MAP3K7: variants seen among roughly 807,000 people sequenced by gnomAD.
MAP3K7 encodes TGF-beta activated kinase 1.
A neutral mutation model predicts 84.8 loss-of-function variants in MAP3K7; 21 were observed. The observed-to-expected ratio is 0.25, with a 90% confidence interval of 0.18 to 0.36. MAP3K7 has a LOEUF of 0.36. Among genes scored for constraint, MAP3K7 ranks in the 10% least tolerant of loss-of-function variants. The pLI is 1.00. For synonymous variants in MAP3K7, 241 were observed against 247.7 expected (o/e 0.97, Z 0.25); for missense variants, 503 against 747.7 (o/e 0.67, Z 3.82).
rs146036630 is a variant in MAP3K7 at position 90,519,683 on chromosome 6, C to T, written c.1463-364G>A. 1.2e-3 allele frequency among the ~76,000 whole-genome samples: 179 copies of T among 152,016 alleles called. 1 individual carries two copies. Among genetic ancestry groups the T allele is most frequent in the African/African-American group, 3.9e-3 (162 of 41,516 alleles). ...TCTAATCAAACTCCCCATCTCTTTTCTTTATCATGCTAAGTTTATTTTATA... is the reference window on the plus strand; with the variant it reads ...TCTAATCAAACTCCCCATCTCTTTTTTTTATCATGCTAAGTTTATTTTATA... On this transcript the variant is annotated intron_variant, in intron 14 of 16. Transcript: ENST00000369329.
intron 1 of MAP3K7, among the ~76,000 whole-genome samples, chr6:90,574,699 T>G (rs930897377): frequency 6.6e-5 from 10 of 152,222 alleles, no homozygotes; most frequent in African/African-American, 2.2e-4. Flanking sequence ...GTGAATCACA[T>G]GTTTGTCATA....
In MAP3K7 at chr6:90,517,964, G is replaced by A. The variant is rs1775022618; in HGVS notation, c.1640+483C>T. Among the ~76,000 whole-genome samples, 4 of 151,714 alleles carry A rather than the reference G, an allele frequency of 2.6e-5. 1 individual carries two copies. The South Asian group carries it at 8.3e-4, about 31-fold the overall frequency. On this transcript the variant is annotated intron_variant, in intron 16 of 16. Transcript: ENST00000369329. The stretch of plus-strand genomic sequence containing the variant: ...TACATATTTAAGAACTGTGAATGCA[G>A]TAGTAAGGAAATTAGGCTGTGTTTC...
intron 13 of MAP3K7, among the ~76,000 whole-genome samples, chr6:90,529,139 T>C (rs559997092): frequency 4.4e-4 from 67 of 152,330 alleles, no homozygotes; most frequent in South Asian, 1.9e-3. Context: ...ACTGAATCAA[T>C]TCTGAAATTC....
Position 90,515,703 on chromosome 6 carries a change from T to C in MAP3K7, c.*798A>G, listed in dbSNP as rs1046110585. ...GATCATTTAAGCTCAATCATGTTCT[T>C]TTGCCTTTTAATTTCATTTAAGAGA... On this transcript the variant is annotated 3_prime_UTR_variant, in exon 17 of 17. Coordinates refer to ENST00000369329, the MANE Select transcript of MAP3K7 (RefSeq NM_145331.3). 7 of 152,040 alleles carry C rather than the reference T, an allele frequency of 4.6e-5. No homozygotes were observed. Among genetic ancestry groups the C allele is most frequent in the Admixed American group, 3.9e-4 (6 of 15,232 alleles). The allele number at this position is 152,040 out of a possible 1,614,324, so 9.4% of individuals were successfully genotyped here. A position where few individuals can be genotyped will look rare whatever the true frequency, so the allele number is the denominator to read the frequency against.
In MAP3K7 at chr6:90,544,586, G is replaced by A. The variant is rs1356344595; in HGVS notation, c.1257C>T (p.Gly419=). Residue 419 remains glycine (G), a synonymous_variant, in exon 12 of 17, where the codon GGC becomes GGT. Coordinates refer to ENST00000369329, the MANE Select transcript of MAP3K7 (RefSeq NM_145331.3). ...KRGHRKTASF[G]NILDVPEIVI... is the part of the protein sequence containing the mutation. Reference sequence around the variant, plus strand: ...CGATCTCAGGGACATCCAGAATGTTGCCAAATGAAGCAGTTTTACGGTGGC... The same window carrying A: ...CGATCTCAGGGACATCCAGAATGTTACCAAATGAAGCAGTTTTACGGTGGC... 6.2e-7 allele frequency: 1 copy of A among 1,612,482 alleles called. No homozygotes were observed. The highest frequency in any genetic ancestry group is 8.5e-7 in the Non-Finnish European group (1 of 1,178,902).
Position 90,547,772 on chromosome 6 carries a change from A to G in MAP3K7, c.1080+275T>C, listed in dbSNP as rs3799902. ...TGGGCAGCGCAGCCAAAATATACCC[A>G]TTTTACATTTTTAACCATCAACCAT... On this transcript the variant is annotated intron_variant, in intron 10 of 16. Transcript: ENST00000369329. 2.6e-4 allele frequency among the ~76,000 whole-genome samples: 40 copies of G among 152,268 alleles called. No individual in the cohort carries two copies. The East Asian group carries it at 7.3e-3, about 28-fold the overall frequency.
At chr6:90,566,518 C>G (rs1187579809) in intron 3 of MAP3K7, among the ~76,000 whole-genome samples, 2 of 152,154 alleles carry the variant, frequency 1.3e-5, no homozygotes, top group Non-Finnish European at 2.9e-5. Context: ...ATGTGAAGGA[C>G]CTCTTCAAGG....
intron 14 of MAP3K7, among the ~76,000 whole-genome samples, chr6:90,519,852 G>C (rs1015626623): frequency 6.6e-6 from 1 of 151,902 alleles, no homozygotes; most frequent in Non-Finnish European, 1.5e-5. Flanking sequence ...TTCCCAGTAA[G>C]AATCACTGCA....
At chr6:90,543,344 A>T (rs1014431712) in intron 12 of MAP3K7, among the ~76,000 whole-genome samples, 1 of 152,230 alleles carries the variant, frequency 6.6e-6, no homozygotes, top group African/African-American at 2.4e-5. Context: ...AGTTTTATAC[A>T]GACAAAATGG....
chr6:90,563,956 T>A (rs1005010817), intron 3 of MAP3K7, among the ~76,000 whole-genome samples: 5 of 152,142 alleles, frequency 3.3e-5, no homozygotes, highest in Non-Finnish European at 5.9e-5. Context: ...GAATTTCATA[T>A]CCAGCCAAAC....
At position 90,542,137 on chromosome 6, in the gene MAP3K7, AG is replaced by A; in HGVS notation, c.1291+2414del. 4.6e-6 allele frequency: 3 copies of A among 645,756 alleles called. No individual in the cohort carries two copies. The African/African-American group carries it at 5.9e-5, about 13-fold the overall frequency. The allele number at this position is 645,756 out of a possible 1,614,324, so 40.0% of individuals were successfully genotyped here. ...ACAAAACAATTTCTAGAAAGTATTA[AG>A]AAATTTTGGAAATTAAGTATCACCC... is the stretch of plus-strand genomic sequence containing the variant. On this transcript the variant is annotated intron_variant, in intron 12 of 16. Transcript: ENST00000369329.
intron 1 of MAP3K7, among the ~76,000 whole-genome samples, chr6:90,575,460 AG>A (rs775506072): frequency 1.3e-5 from 2 of 152,206 alleles, no homozygotes; most frequent in Non-Finnish European, 2.9e-5. Flanking sequence ...AAACACCAGA[AG>A]CTTCAAAGGA....
In MAP3K7 at chr6:90,567,661, C is replaced by T. The variant is rs566990732; in HGVS notation, c.297+897G>A. Among the ~76,000 whole-genome samples the T allele has an allele frequency of 2.8e-4, 43 of 152,318 alleles. No homozygotes were observed. The South Asian group carries it at 8.3e-3, about 29-fold the overall frequency. ...CATTGTGGAAGACAGTGTGGCAATTCCTCAAGGATCTAGAGTAGAAATACC... is the reference window on the plus strand; with the variant it reads ...CATTGTGGAAGACAGTGTGGCAATTTCTCAAGGATCTAGAGTAGAAATACC... On this transcript the variant is annotated intron_variant, in intron 3 of 16. Coordinates refer to ENST00000369329, the MANE Select transcript of MAP3K7 (RefSeq NM_145331.3).
chr6:90,550,887 T>C (rs1418629312), intron 8 of MAP3K7: 1 of 181,606 alleles, frequency 5.5e-6, no homozygotes, highest in East Asian at 1.4e-4. Flanking sequence ...ACTGTTAGTC[T>C]GAAGACTGAG....
chr6:90,551,827 C>A, intron 8 of MAP3K7: 1 of 415,660 alleles, frequency 2.4e-6, no homozygotes, highest in Non-Finnish European at 4.1e-6. Flanking sequence ...AAAAGCAAGT[C>A]TAGAAACCTA....
intron 15 of MAP3K7, among the ~76,000 whole-genome samples, chr6:90,518,803 T>C (rs1280678112): frequency 6.6e-6 from 1 of 151,854 alleles, no homozygotes; most frequent in Non-Finnish European, 1.5e-5. Context: ...GTTGGAGTTG[T>C]AGTCTCTGGT....
intron 3 of MAP3K7, among the ~76,000 whole-genome samples, chr6:90,562,253 T>C (rs1254826615): frequency 6.6e-6 from 1 of 151,916 alleles, no homozygotes; most frequent in Non-Finnish European, 1.5e-5. Flanking sequence ...GCCCATGGAG[T>C]GTGAGTCGAA....
At chr6:90,586,684 G>T in intron 1 of MAP3K7, 80 bp downstream of exon 1, 1 of 1,513,638 alleles carries the variant, frequency 6.6e-7, no homozygotes, top group South Asian at 1.2e-5. Context: ...GGCCCCGGGA[G>T]GCACCTTCAG....
intron 7 of MAP3K7, among the ~76,000 whole-genome samples, chr6:90,552,924 T>A (rs1458990279): frequency 6.6e-6 from 1 of 152,220 alleles, no homozygotes; most frequent in African/African-American, 2.4e-5. Flanking sequence ...AGCAAGTTAT[T>A]TAACCTCTCT....
Sources: gnomAD v4.1 joint callset for allele counts (sites outside exome capture counted in the v4.1 genomes callset) on GRCh38, gnomAD v4.1.1 for gene constraint, MANE v1.5 for transcripts, NCBI Gene and HGNC (gene_info 2026-07-23, HGNC 2026-07-21) for gene names.